ANKRD27: variants seen among roughly 807,000 people sequenced by gnomAD.
ANKRD27 encodes ankyrin repeat domain 27, also known as ankyrin repeat domain-containing protein 27.
In ANKRD27, 112 loss-of-function variants were observed where a neutral mutation model predicts 129.7. That is an observed-to-expected ratio of 0.86 (90% CI 0.74 to 1.01). The LOEUF (loss-of-function observed/expected upper bound fraction) is 1.01, where lower values mean the gene tolerates loss of function less well. ANKRD27 is among the 50% of genes least tolerant of loss of function. The pLI is 0.00. For missense variants in ANKRD27, 1,258 were observed against 1,300.5 expected (o/e 0.97, Z 0.50); for synonymous variants, 516 against 511.2 (o/e 1.01, Z -0.13).
At chr19:32,607,022 TAGGGAGGG>T (rs1158762948) in intron 23 of ANKRD27, among the ~76,000 whole-genome samples, 1 of 135,016 alleles carries the variant, frequency 7.4e-6, no homozygotes, top group Non-Finnish European at 1.5e-5. Flanking sequence ...TCCCAGCTAC[TAGGGAGGG>T]AGGCTGAGAT....
At chr19:32,619,698 C>G (rs780325252) in intron 18 of ANKRD27, 145 bp from the exon 19 acceptor site, 2 of 954,364 alleles carry the variant, frequency 2.1e-6, no homozygotes, top group Non-Finnish European at 3.2e-6. Context: ...CAGTCGCACC[C>G]TTGGATAGAC....
At chr19:32,611,462 G>A (rs1469199613) in intron 22 of ANKRD27, among the ~76,000 whole-genome samples, 1 of 152,202 alleles carries the variant, frequency 6.6e-6, no homozygotes, top group African/African-American at 2.4e-5. Flanking sequence ...ATGTGTGAGG[G>A]AAAACTTTAG....
chr19:32,606,684 T>C (rs1180990864), intron 23 of ANKRD27, among the ~76,000 whole-genome samples: 2 of 152,142 alleles, frequency 1.3e-5, no homozygotes, highest in African/African-American at 4.8e-5. Context: ...AGGAAAGCCA[T>C]GCCTGAAGCT....
chr19:32,612,841 A>C (rs1465682479), intron 22 of ANKRD27, among the ~76,000 whole-genome samples: 2 of 152,262 alleles, frequency 1.3e-5, no homozygotes, highest in Non-Finnish European at 2.9e-5. Flanking sequence ...ATATAAAATT[A>C]TAACTTAAAA....
At chr19:32,645,725 C>G (rs975603590) in intron 4 of ANKRD27, among the ~76,000 whole-genome samples, 52 of 152,006 alleles carry the variant, frequency 3.4e-4, no homozygotes, top group African/African-American at 1.2e-3. Flanking sequence ...CTCTGCCTCC[C>G]GGGTTCAAGT....
intron 1 of ANKRD27, among the ~76,000 whole-genome samples, chr19:32,664,260 C>T (rs1169142754): frequency 6.6e-6 from 1 of 151,938 alleles, no homozygotes; most frequent in African/African-American, 2.4e-5. Context: ...CTCAAGCAGT[C>T]CTCCCATTTC....
At chr19:32,650,744 G>A (rs887296546) in intron 2 of ANKRD27, among the ~76,000 whole-genome samples, 13 of 127,384 alleles carry the variant, frequency 1.0e-4, no homozygotes, top group Non-Finnish European at 1.3e-4. Context: ...TTTTCTTTAC[G>A]CTTTTATTTA....
chr19:32,599,015 C>A (rs938574958), intron 28 of ANKRD27, among the ~76,000 whole-genome samples: 6 of 152,180 alleles, frequency 3.9e-5, no homozygotes, highest in African/African-American at 1.2e-4. Flanking sequence ...CACGGTGGCT[C>A]ACACTTGTAA....
At chr19:32,663,133 G>A (rs749313402) in intron 1 of ANKRD27, among the ~76,000 whole-genome samples, 4 of 152,180 alleles carry the variant, frequency 2.6e-5, no homozygotes, top group African/African-American at 9.7e-5. Flanking sequence ...AAGGGCTTGC[G>A]GATTCCATTC....
intron 2 of ANKRD27, among the ~76,000 whole-genome samples, chr19:32,656,789 C>A (rs1302375224): frequency 1.8e-4 from 25 of 137,138 alleles, no homozygotes; most frequent in African/African-American, 1.7e-4. Context: ...GACCTTATCT[C>A]AAAAAAAAAA....
intron 23 of ANKRD27, 132 bp downstream of exon 23, chr19:32,607,499 CACCT>C: frequency 9.3e-7 from 1 of 1,072,786 alleles, no homozygotes; most frequent in Non-Finnish European, 1.3e-6. Context: ...CTACCGTGTG[CACCT>C]CAGAATCTCA....
At chr19:32,617,406 G>T (rs1449617918) in intron 21 of ANKRD27, among the ~76,000 whole-genome samples, 183 bp downstream of exon 21, 1 of 152,024 alleles carries the variant, frequency 6.6e-6, no homozygotes, top group Non-Finnish European at 1.5e-5. Context: ...GATTAGCCAG[G>T]CATGGCCGCG....
chr19:32,656,827 T>G (rs765767968), intron 2 of ANKRD27, among the ~76,000 whole-genome samples: 2 of 152,022 alleles, frequency 1.3e-5, no homozygotes, highest in Non-Finnish European at 2.9e-5. Flanking sequence ...TTTCTGTTTC[T>G]TGGTGAATCC....
chr19:32,650,894 G>A (rs1363103213), intron 2 of ANKRD27, among the ~76,000 whole-genome samples: 1 of 144,482 alleles, frequency 6.9e-6, no homozygotes, highest in African/African-American at 2.6e-5. Flanking sequence ...GACAACAGGT[G>A]CACACAACCA....
At chr19:32,645,482 A>G (rs370864655) in intron 4 of ANKRD27, among the ~76,000 whole-genome samples, 30 of 152,138 alleles carry the variant, frequency 2.0e-4, no homozygotes, top group African/African-American at 7.2e-4. Context: ...TCTGTAGCCC[A>G]TGCTAGAGTG....
intron 5 of ANKRD27, 78 bp downstream of exon 5, chr19:32,644,247 G>C (rs1030937471): frequency 5.8e-5 from 87 of 1,498,640 alleles, no homozygotes; most frequent in Non-Finnish European, 7.4e-5. Context: ...GGCAGTTCCA[G>C]AGGAAACTGA....
intron 25 of ANKRD27, among the ~76,000 whole-genome samples, chr19:32,603,897 C>T (rs764603743): frequency 5.9e-5 from 9 of 152,186 alleles, no homozygotes; most frequent in Admixed American, 2.0e-4. Context: ...GCTAAGACAA[C>T]GGCTGTGTTC....
At chr19:32,641,150 C>G (rs1202350567) in intron 10 of ANKRD27, among the ~76,000 whole-genome samples, 1 of 151,910 alleles carries the variant, frequency 6.6e-6, no homozygotes, top group African/African-American at 2.4e-5. Context: ...ATCTGCCCGC[C>G]TCAGCCTCCC....
intron 1 of ANKRD27, among the ~76,000 whole-genome samples, chr19:32,671,256 C>A (rs553557362): frequency 1.3e-5 from 2 of 151,280 alleles, no homozygotes; most frequent in African/African-American, 4.9e-5. Flanking sequence ...CCACTGCACT[C>A]TAGCCTAGGC....
Sources: gnomAD v4.1 joint callset for allele counts (sites outside exome capture counted in the v4.1 genomes callset) on GRCh38, gnomAD v4.1.1 for gene constraint, MANE v1.5 for transcripts, NCBI Gene and HGNC (gene_info 2026-07-23, HGNC 2026-07-21) for gene names.